The following FSTL4 variants were observed in gnomAD, a reference collection of about 807,000 sequenced individuals.
FSTL4 encodes the protein follistatin-related protein 4.
Under a neutral mutation model 78.2 loss-of-function variants are expected in FSTL4, and 28 were observed. That is an observed-to-expected ratio of 0.36 (90% CI 0.27 to 0.49). The LOEUF (loss-of-function observed/expected upper bound fraction) is 0.49. Among genes scored for constraint, FSTL4 ranks in the 20% least tolerant of loss-of-function variants. FSTL4 has a pLI of 0.98. For synonymous variants in FSTL4, 422 were observed against 440.5 expected (o/e 0.96, Z 0.53); for missense variants, 922 against 1,084.9 (o/e 0.85, Z 2.11).
In FSTL4 at chr5:133,361,113, A is replaced by G. The variant is rs1296479958; in HGVS notation, c.409+39625T>C. 6.6e-6 allele frequency among the ~76,000 whole-genome samples: 1 copy of G among 152,192 alleles called. No homozygotes were observed. Among genetic ancestry groups the G allele is most frequent in the Non-Finnish European group, 1.5e-5 (1 of 68,046 alleles). Reference sequence around the variant, plus strand: ...TGACCCAGAGTCAGGAGAACATCAGATTAACTTTTTCTGAGCCCTTGAAGC... The same window carrying G: ...TGACCCAGAGTCAGGAGAACATCAGGTTAACTTTTTCTGAGCCCTTGAAGC... On this transcript the variant is annotated intron_variant, in intron 4 of 15. Transcript: ENST00000265342. This position sits in a 1 kb window ranked among gnomAD's most constrained non-coding sequence, Gnocchi z 4.3.
At chr5:133,683,911 G>A in the FSTL4 span, among the ~76,000 whole-genome samples, 3 of 152,180 alleles carry the variant, frequency 2.0e-5, no homozygotes, top group African/African-American at 4.8e-5. Context: ...GATGGTGAAG[G>A]ACGGGACCCT....
At chr5:133,251,119 G>T (rs13358732) in intron 6 of FSTL4, among the ~76,000 whole-genome samples, 1 of 152,156 alleles carries the variant, frequency 6.6e-6, no homozygotes, top group East Asian at 1.9e-4. Flanking sequence ...TCCCATCTCC[G>T]AGTCATGAGG....
At chr5:133,205,870 C>T (rs1354558803) in intron 14 of FSTL4, among the ~76,000 whole-genome samples, 2 of 152,108 alleles carry the variant, frequency 1.3e-5, no homozygotes, top group African/African-American at 4.8e-5. Flanking sequence ...AAAAAATATC[C>T]TCAAAGCTTT....
intron 3 of FSTL4, among the ~76,000 whole-genome samples, chr5:133,441,896 G>A (rs1297287762): frequency 6.6e-6 from 1 of 152,210 alleles, no homozygotes; most frequent in Admixed American, 6.5e-5. Flanking sequence ...GATGTTCACT[G>A]GTGGAGCTCT....
intron 3 of FSTL4, among the ~76,000 whole-genome samples, chr5:133,504,627 A>C (rs1758575041): frequency 6.6e-6 from 1 of 152,144 alleles, no homozygotes; most frequent in Admixed American, 6.5e-5. Context: ...CTACTGCATT[A>C]CCTTGTCCCA....
chr5:133,545,210 A>G lies in FSTL4; in HGVS notation c.160+21976T>C, dbSNP rs552047035. On this transcript the variant is annotated intron_variant, in intron 3 of 15. Transcript: ENST00000265342. The stretch of plus-strand genomic sequence containing the variant: ...AAAAAGAGCTCCCATATATGGTTTG[A>G]GAGTGCTCCCCAAGATTCCAGCGTG... Among the ~76,000 whole-genome samples the G allele has an allele frequency of 2.6e-5, 4 of 152,226 alleles. No individual in the cohort carries two copies. The East Asian group carries it at 5.8e-4, about 22-fold the overall frequency.
the FSTL4 span, among the ~76,000 whole-genome samples, chr5:133,757,219 TA>T: frequency 0.011 from 1,638 of 152,316 alleles, 38 homozygotes; most frequent in African/African-American, 0.038. Context: ...CATTAAAGAA[TA>T]AAAAGGTAAA....
chr5:133,746,359 C>A, the FSTL4 span, among the ~76,000 whole-genome samples: 1 of 152,156 alleles, frequency 6.6e-6, no homozygotes, highest in Admixed American at 6.5e-5. Context: ...GTGGTCCTGT[C>A]CTTCTCTCAG....
intron 6 of FSTL4, among the ~76,000 whole-genome samples, chr5:133,309,017 A>C (rs1207318080): frequency 6.6e-6 from 1 of 152,184 alleles, no homozygotes; most frequent in Non-Finnish European, 1.5e-5. Flanking sequence ...GAAGTGAGAA[A>C]AATCCTTGTT....
chr5:133,427,698 G>A (rs1756853942), intron 3 of FSTL4: 1 of 516,368 alleles, frequency 1.9e-6, no homozygotes, highest in Non-Finnish European at 4.1e-6. Context: ...TTTTTAACTA[G>A]GACCGTGGCT....
intron 3 of FSTL4, among the ~76,000 whole-genome samples, chr5:133,504,469 C>T (rs1474351579): frequency 4.6e-5 from 7 of 152,242 alleles, no homozygotes; most frequent in Non-Finnish European, 8.8e-5. Context: ...CTCCATAATC[C>T]CCATTTTTTA....
At chr5:133,723,532 G>A in the FSTL4 span, among the ~76,000 whole-genome samples, 1 of 152,190 alleles carries the variant, frequency 6.6e-6, no homozygotes, top group Non-Finnish European at 1.5e-5. Flanking sequence ...TATCACTATG[G>A]CTTATGAATC....
the FSTL4 span, among the ~76,000 whole-genome samples, chr5:133,827,385 G>C: frequency 6.6e-6 from 1 of 152,140 alleles, no homozygotes; most frequent in Non-Finnish European, 1.5e-5. Context: ...TGGGAGGGCA[G>C]AGAATATTGA....
At chr5:133,703,972 G>A in the FSTL4 span, among the ~76,000 whole-genome samples, 20 of 152,298 alleles carry the variant, frequency 1.3e-4, no homozygotes, top group South Asian at 3.9e-3. Flanking sequence ...GAAAACCTCT[G>A]AAGGAAAATT....
At chr5:133,447,158 T>C (rs546472454) in intron 3 of FSTL4, among the ~76,000 whole-genome samples, 105 of 152,274 alleles carry the variant, frequency 6.9e-4, no homozygotes, top group African/African-American at 2.4e-3. Flanking sequence ...TGCCAAGCCC[T>C]GGGACAAGCC....
chr5:133,676,122 C>A, the FSTL4 span, among the ~76,000 whole-genome samples: 1 of 152,190 alleles, frequency 6.6e-6, no homozygotes, highest in African/African-American at 2.4e-5. Flanking sequence ...TCGTTAGAGA[C>A]CACAGCAAAA....
At chr5:133,745,445 G>A in the FSTL4 span, among the ~76,000 whole-genome samples, 55 of 152,230 alleles carry the variant, frequency 3.6e-4, no homozygotes, top group Non-Finnish European at 4.3e-4. Context: ...GGGGGGTAGA[G>A]GGCTGTGTAA....
At chr5:133,276,192 T>C (rs1408878728) in intron 6 of FSTL4, among the ~76,000 whole-genome samples, 1 of 152,214 alleles carries the variant, frequency 6.6e-6, no homozygotes, top group Non-Finnish European at 1.5e-5. Flanking sequence ...ATACATCTCT[T>C]GTCCCCCAGG....
At chr5:133,470,070 G>A (rs752717338) in intron 3 of FSTL4, among the ~76,000 whole-genome samples, 1 of 152,150 alleles carries the variant, frequency 6.6e-6, no homozygotes, top group Non-Finnish European at 1.5e-5. Context: ...GGCTGCTCAC[G>A]TGACACCCAG....
Sources: gnomAD v4.1 joint callset for allele counts (sites outside exome capture counted in the v4.1 genomes callset) on GRCh38, gnomAD v4.1.1 for gene constraint, Gnocchi (gnomAD v3.1) non-coding constraint, MANE v1.5 for transcripts, NCBI Gene and HGNC (gene_info 2026-07-23, HGNC 2026-07-21) for gene names.